Variants in PARP4 observed in about 807,000 individuals in gnomAD.
PARP4 encodes the protein protein mono-ADP-ribosyltransferase PARP4.
A neutral mutation model predicts 187.7 loss-of-function variants in PARP4; 120 were observed. The ratio of observed to expected loss-of-function variants is 0.64; its 90% CI spans 0.55 to 0.74. The LOEUF (loss-of-function observed/expected upper bound fraction) is 0.74. Among genes scored for constraint, PARP4 ranks in the 30% least tolerant of loss-of-function variants. The probability of loss-of-function intolerance (pLI) is 0.00; values close to 1 mark genes in which losing one functional copy is unlikely to be tolerated. For missense variants in PARP4, 1,836 were observed against 2,070.5 expected, an observed-to-expected ratio of 0.89 and a Z score of 2.20; for synonymous variants, 654 against 740.9, an observed-to-expected ratio of 0.88 and a Z score of 1.90.
intron 33 of PARP4, among the ~76,000 whole-genome samples, chr13:24,426,102 G>A (rs1003506153): frequency 1.3e-5 from 2 of 152,082 alleles, no homozygotes; most frequent in East Asian, 1.9e-4. Flanking sequence ...TTGTATTCTT[G>A]TCCCAGGCCC....
intron 1 of PARP4, among the ~76,000 whole-genome samples, chr13:24,505,139 G>GACACACAC (rs141835469): frequency 2.8e-4 from 42 of 150,106 alleles, no homozygotes; most frequent in African/African-American, 9.8e-4. Context: ...GTTAAAGAAA[G>GACACACAC]ACACACACAC....
intron 21 of PARP4, 23 bp from the exon 22 acceptor site, chr13:24,455,235 G>A: frequency 6.6e-7 from 1 of 1,525,818 alleles, no homozygotes; most frequent in African/African-American, 1.4e-5. Flanking sequence ...AGAAGGTGCT[G>A]GACTGGAGCT....
intron 28 of PARP4, 63 bp from the exon 29 acceptor site, chr13:24,442,748 C>T: frequency 1.1e-6 from 1 of 891,010 alleles, no homozygotes; most frequent in Non-Finnish European, 1.9e-6. Context: ...GTCAGTAAAT[C>T]ATTTTAAGAT....
chr13:24,500,326 CCA>C lies in PARP4; in HGVS notation c.389_390del (p.Val130GlyfsTer4), dbSNP rs761393387. On this transcript the variant is annotated frameshift_variant, in exon 4 of 34. Coordinates refer to ENST00000381989, the MANE Select transcript of PARP4 (RefSeq NM_006437.4). LOFTEE classifies it high-confidence loss of function. The stretch of plus-strand genomic sequence containing the variant: ...AAAGAAGTAAATTACTCAGTGAGTT[CCA>C]CAGTGTCTTCCTCCTCTGTGGCACT... ...PDSATEEEDTVELTEFGMQNV... is the reference protein window; with the variant it reads ...PDSATEEEDTXELTEFGMQNV... 1.3e-6 allele frequency: 2 copies of C among 1,594,824 alleles called. No individual in the cohort carries two copies. The highest frequency in any genetic ancestry group is 2.3e-5 in the East Asian group (1 of 44,082).
intron 5 of PARP4, among the ~76,000 whole-genome samples, 163 bp from the exon 6 acceptor site, chr13:24,498,392 G>C (rs746215509): frequency 6.6e-6 from 1 of 152,078 alleles, no homozygotes; most frequent in African/African-American, 2.4e-5. Context: ...CTAAAATCCC[G>C]AGAGCAATAC....
At position 24,464,702 on chromosome 13, in the gene PARP4, A is replaced by T. The variant is rs146612243; in HGVS notation, c.2133+4322T>A. Among the ~76,000 whole-genome samples the T allele has an allele frequency of 3.2e-4, 48 of 152,334 alleles. No individual in the cohort carries two copies. The East Asian group carries it at 9.2e-3, about 29-fold the overall frequency. ...CAAAAACTATAAAAACTCTAGAAGA[A>T]AATCTAGGCAATACCATTCAGGACA... On this transcript the variant is annotated intron_variant, in intron 17 of 33. Coordinates refer to ENST00000381989, the MANE Select transcript of PARP4 (RefSeq NM_006437.4).
intron 24 of PARP4, among the ~76,000 whole-genome samples, chr13:24,451,421 T>C (rs1871512422): frequency 6.6e-6 from 1 of 152,050 alleles, no homozygotes; most frequent in Non-Finnish European, 1.5e-5. Context: ...AAGAAAGCCC[T>C]CAAGGCAGGC....
intron 18 of PARP4, chr13:24,459,529 G>A (rs1357666365): frequency 6.4e-6 from 2 of 310,622 alleles, no homozygotes; most frequent in Non-Finnish European, 1.1e-5. Flanking sequence ...ATGTCTGTGT[G>A]TATACACACA....
At chr13:24,457,443 C>A (rs1288443371) in intron 20 of PARP4, among the ~76,000 whole-genome samples, 1 of 152,126 alleles carries the variant, frequency 6.6e-6, no homozygotes, top group East Asian at 1.9e-4. Context: ...TGAAAAGTGT[C>A]CATGCAACGG....
chr13:24,431,235 G>T, intron 32 of PARP4, 142 bp downstream of exon 32: 1 of 542,666 alleles, frequency 1.8e-6, no homozygotes, highest in East Asian at 3.5e-5. Context: ...TTCCTTTAAT[G>T]GTTAAATATA....
chr13:24,491,726 G>A (rs899233326), intron 9 of PARP4, among the ~76,000 whole-genome samples: 2 of 149,434 alleles, frequency 1.3e-5, no homozygotes, highest in Non-Finnish European at 2.9e-5. Flanking sequence ...TACTCACTAA[G>A]CCTGCTTCTC....
At chr13:24,453,026 C>T (rs1377215186) in intron 23 of PARP4, among the ~76,000 whole-genome samples, 3 of 152,106 alleles carry the variant, frequency 2.0e-5, no homozygotes, top group African/African-American at 7.2e-5. Flanking sequence ...CTTCTACCTC[C>T]TGGGTTCAAG....
chr13:24,465,309 A>T (rs1872402619), intron 17 of PARP4, among the ~76,000 whole-genome samples: 1 of 152,218 alleles, frequency 6.6e-6, no homozygotes. Context: ...AAGGAATATA[A>T]ATCATTCCAT....
chr13:24,492,749 C>T (rs767205391), intron 8 of PARP4, among the ~76,000 whole-genome samples, 155 bp from the exon 9 acceptor site: 6 of 152,214 alleles, frequency 3.9e-5, no homozygotes, highest in South Asian at 2.1e-4. Context: ...TTATTGGAGA[C>T]GTATCTCAGT....
At chr13:24,488,436 C>T (rs1868445797) in intron 10 of PARP4, among the ~76,000 whole-genome samples, 1 of 152,210 alleles carries the variant, frequency 6.6e-6, no homozygotes, top group Admixed American at 6.5e-5. Flanking sequence ...TCACTGCAAC[C>T]TCCACCTCCC....
chr13:24,486,126 G>A (rs1566014247), intron 11 of PARP4, 42 bp downstream of exon 11: 3 of 1,561,224 alleles, frequency 1.9e-6, no homozygotes, highest in Non-Finnish European at 2.6e-6. Context: ...CTTCACATTT[G>A]TGAGCCTGAA....
intron 8 of PARP4, 92 bp from the exon 9 acceptor site, chr13:24,492,686 G>A: frequency 2.0e-6 from 2 of 1,018,116 alleles, no homozygotes; most frequent in Non-Finnish European, 2.9e-6. Context: ...TGTTAGACAT[G>A]TCAAGACTAT....
intron 15 of PARP4, among the ~76,000 whole-genome samples, chr13:24,473,542 T>C (rs1342121756): frequency 6.6e-6 from 1 of 151,586 alleles, no homozygotes; most frequent in Non-Finnish European, 1.5e-5. Context: ...GTTCCAGCAA[T>C]TCCCCTCTCC....
chr13:24,443,701 T>TA lies in PARP4; in HGVS notation c.3395dup (p.Ile1133AsnfsTer5), dbSNP rs1871065198. ...GAATGCCATCTTCATAATCTCTGAT[T>TA]AGAGCTCGGGCTGCCAGCTTGTGGA... On this transcript the variant is annotated frameshift_variant, in exon 28 of 34. Coordinates refer to ENST00000381989, the MANE Select transcript of PARP4 (RefSeq NM_006437.4). LOFTEE classifies it high-confidence loss of function. 6.2e-7 allele frequency: 1 copy of TA among 1,613,816 alleles called. No individual in the cohort carries two copies. The highest frequency in any genetic ancestry group is 1.1e-5 in the South Asian group (1 of 91,074).
Sources: gnomAD v4.1 joint callset for allele counts (sites outside exome capture counted in the v4.1 genomes callset) on GRCh38, gnomAD v4.1.1 for gene constraint, MANE v1.5 for transcripts, NCBI Gene and HGNC (gene_info 2026-07-23, HGNC 2026-07-21) for gene names.